The following PTPRM variants were observed in gnomAD, a reference collection of about 807,000 sequenced individuals.
The protein encoded by PTPRM is receptor-type tyrosine-protein phosphatase mu.
A neutral mutation model predicts 186.7 loss-of-function variants in PTPRM; 47 were observed. That is an observed-to-expected ratio of 0.25 (90% CI 0.20 to 0.32). The LOEUF (loss-of-function observed/expected upper bound fraction) is 0.32. Ranked by LOEUF, PTPRM falls within the 10% of genes least tolerant of loss-of-function variation. The pLI is 1.00. For synonymous variants in PTPRM, 668 were observed against 674.9 expected, an observed-to-expected ratio of 0.99 and a Z score of 0.16; for missense variants, 1,494 against 1,865.0, an observed-to-expected ratio of 0.80 and a Z score of 3.66.
chr18:8,150,610 G>T (rs1364117485), intron 14 of PTPRM, among the ~76,000 whole-genome samples: 1 of 152,112 alleles, frequency 6.6e-6, no homozygotes, highest in Non-Finnish European at 1.5e-5. Context: ...TTAGCTTGGA[G>T]GAGTTTGTTA....
At chr18:8,404,086 G>A (rs748195931) in intron 32 of PTPRM, 2 of 152,146 alleles carry the variant, frequency 1.3e-5, no homozygotes, top group Non-Finnish European at 2.9e-5. Flanking sequence ...AGAATTGCTA[G>A]GTCATATGGG....
intron 20 of PTPRM, among the ~76,000 whole-genome samples, chr18:8,313,779 A>G (rs894986583): frequency 1.3e-5 from 2 of 151,842 alleles, no homozygotes; most frequent in Non-Finnish European, 2.9e-5. Flanking sequence ...AGTCCACTGT[A>G]TCATTCTTAT....
chr18:7,838,577 C>T (rs191924069), intron 2 of PTPRM, among the ~76,000 whole-genome samples: 334 of 152,370 alleles, frequency 2.2e-3, no homozygotes, highest in African/African-American at 4.8e-3. Context: ...ACAAGCACCC[C>T]TGTGCCCACT....
chr18:7,952,398 T>C (rs1377537100), intron 6 of PTPRM, among the ~76,000 whole-genome samples: 1 of 152,240 alleles, frequency 6.6e-6, no homozygotes, highest in African/African-American at 2.4e-5. Context: ...TTGGGAAAAT[T>C]TGTTGAAAAT....
intron 14 of PTPRM, among the ~76,000 whole-genome samples, chr18:8,185,335 C>T (rs569325225): frequency 6.6e-6 from 1 of 152,248 alleles, no homozygotes; most frequent in Non-Finnish European, 1.5e-5. Context: ...TTCACCAGGC[C>T]CCCCAGGAGC....
At chr18:7,860,878 T>A (rs2047346920) in intron 2 of PTPRM, among the ~76,000 whole-genome samples, 1 of 152,224 alleles carries the variant, frequency 6.6e-6, no homozygotes, top group Non-Finnish European at 1.5e-5. Context: ...CTTTCTGGTT[T>A]CTGCTCCTAC....
intron 7 of PTPRM, among the ~76,000 whole-genome samples, chr18:8,066,890 T>C (rs2089127573): frequency 6.6e-6 from 1 of 152,180 alleles, no homozygotes; most frequent in Admixed American, 6.6e-5. Flanking sequence ...AGACATAATT[T>C]TACCATGATG....
chr18:7,954,073 T>G (rs1166192032), intron 6 of PTPRM, among the ~76,000 whole-genome samples: 1 of 152,210 alleles, frequency 6.6e-6, no homozygotes, highest in Non-Finnish European at 1.5e-5. Flanking sequence ...ATTTATCATG[T>G]GTGGTATCAC....
chr18:8,074,480 C>T (rs985452756), intron 8 of PTPRM, among the ~76,000 whole-genome samples: 2 of 152,096 alleles, frequency 1.3e-5, no homozygotes, highest in Non-Finnish European at 2.9e-5. Context: ...GAGGCACTGC[C>T]GGAGTGTTTT....
chr18:8,063,786 G>C (rs182893074), intron 7 of PTPRM, among the ~76,000 whole-genome samples: 66 of 152,260 alleles, frequency 4.3e-4, no homozygotes, highest in Non-Finnish European at 7.9e-4. Flanking sequence ...GAAAGACTTG[G>C]TGAAATTATT....
intron 7 of PTPRM, among the ~76,000 whole-genome samples, chr18:8,001,743 G>T (rs1276091889): frequency 6.6e-5 from 10 of 152,062 alleles, no homozygotes; most frequent in Admixed American, 5.2e-4. Flanking sequence ...GTTTTTCTTT[G>T]CTGAGCTCTA....
intron 1 of PTPRM, among the ~76,000 whole-genome samples, chr18:7,592,304 G>C (rs1051273020): frequency 5.3e-5 from 8 of 152,202 alleles, no homozygotes; most frequent in African/African-American, 1.7e-4. Context: ...AGCTAGGAGA[G>C]TAAAAATAGG....
At chr18:7,861,970 G>T (rs528712518) in intron 2 of PTPRM, among the ~76,000 whole-genome samples, 1 of 152,182 alleles carries the variant, frequency 6.6e-6, no homozygotes, top group Non-Finnish European at 1.5e-5. Context: ...TGTGCTTTTT[G>T]AAAACCACTT....
intron 1 of PTPRM, among the ~76,000 whole-genome samples, chr18:7,621,812 T>C (rs2037945765): frequency 1.3e-5 from 2 of 152,220 alleles, no homozygotes; most frequent in South Asian, 4.1e-4. Context: ...CATTTCTATT[T>C]AGTGCCTAAT....
chr18:8,025,980 A>G (rs941564665), intron 7 of PTPRM, among the ~76,000 whole-genome samples: 1 of 152,210 alleles, frequency 6.6e-6, no homozygotes, highest in African/African-American at 2.4e-5. Context: ...AATGTGTGTG[A>G]AGCCCCAGTG....
chr18:8,243,757 T>C (rs1423215828), intron 14 of PTPRM, among the ~76,000 whole-genome samples: 1 of 152,234 alleles, frequency 6.6e-6, no homozygotes, highest in African/African-American at 2.4e-5. Context: ...ACTAGAATCA[T>C]TGGTCATTTT....
chr18:7,973,032 A>G lies in PTPRM; in HGVS notation c.1132+17618A>G, dbSNP rs144373193. 8.2e-3 allele frequency among the ~76,000 whole-genome samples: 1,253 copies of G among 152,276 alleles called. 7 individuals carry two copies. Among genetic ancestry groups the G allele is most frequent in the South Asian group, 0.033 (161 of 4,828 alleles). ...TAGTTGTTAGAGTCTAGTACAATAC[A>G]TGTTATATAAACATATATAACCCAC... On this transcript the variant is annotated intron_variant, in intron 7 of 32. Transcript: ENST00000580170.
intron 7 of PTPRM, among the ~76,000 whole-genome samples, chr18:7,958,225 A>AT (rs398079248): frequency 6.6e-6 from 1 of 151,846 alleles, no homozygotes; most frequent in Non-Finnish European, 1.5e-5. Context: ...AAAAAAAAAA[A>AT]ATCCTAAAAT....
chr18:8,064,643 A>G (rs1156307789), intron 7 of PTPRM, among the ~76,000 whole-genome samples: 6 of 152,232 alleles, frequency 3.9e-5, no homozygotes, highest in Non-Finnish European at 8.8e-5. Flanking sequence ...ACCAGTACAT[A>G]GATGCCTGTA....
Sources: gnomAD v4.1 joint callset for allele counts (sites outside exome capture counted in the v4.1 genomes callset) on GRCh38, gnomAD v4.1.1 for gene constraint, MANE v1.5 for transcripts, NCBI Gene and HGNC (gene_info 2026-07-23, HGNC 2026-07-21) for gene names.